Variants in SLC44A5 observed in about 807,000 individuals in gnomAD.
The protein encoded by SLC44A5 is solute carrier family 44 member 5, also known as choline transporter-like protein 5.
Under a neutral mutation model 101.8 loss-of-function variants are expected in SLC44A5, and 57 were observed. The observed-to-expected ratio is 0.56, with a 90% CI of 0.45 to 0.70. The LOEUF is 0.70. Among genes scored for constraint, SLC44A5 ranks in the 30% least tolerant of loss-of-function variants. SLC44A5 has a pLI of 0.00. For missense variants in SLC44A5, 737 were observed against 853.1 expected (o/e 0.86, Z 1.70); for synonymous variants, 281 against 290.9 (o/e 0.97, Z 0.35).
chr1:75,577,634 C>T (rs1294573325), intron 1 of SLC44A5, among the ~76,000 whole-genome samples: 3 of 152,126 alleles, frequency 2.0e-5, no homozygotes, highest in Non-Finnish European at 4.4e-5. Context: ...CTTTATTTCC[C>T]CTCATAAAAC....
chr1:75,345,430 T>G lies in SLC44A5; in HGVS notation c.53-5800A>C, dbSNP rs542419446. Among the ~76,000 whole-genome samples, 201 of 152,252 alleles carry G rather than the reference T, an allele frequency of 1.3e-3. 1 individual carries two copies. Among genetic ancestry groups the G allele is most frequent in the African/African-American group, 4.5e-3 (189 of 41,568 alleles). On this transcript the variant is annotated intron_variant, in intron 3 of 23. Coordinates refer to ENST00000370859, the MANE Select transcript of SLC44A5 (RefSeq NM_001130058.2). ...GATAGATAATGGAGGGAAAAAAAGT[T>G]GGGAAACAATTTCTACCTTCAGAGG...
intron 3 of SLC44A5, among the ~76,000 whole-genome samples, chr1:75,368,500 T>C (rs1383163907): frequency 6.6e-6 from 1 of 152,240 alleles, no homozygotes; most frequent in Non-Finnish European, 1.5e-5. Flanking sequence ...AGTAAATACT[T>C]ACCTAATACA....
the SLC44A5 span, among the ~76,000 whole-genome samples, chr1:75,633,483 T>C: frequency 2.0e-5 from 3 of 152,200 alleles, no homozygotes; most frequent in Admixed American, 6.5e-5. Context: ...TTTGAAGCAA[T>C]TGCGAATGGG....
intron 1 of SLC44A5, among the ~76,000 whole-genome samples, chr1:75,601,261 A>C (rs1407988260): frequency 6.6e-6 from 1 of 152,064 alleles, no homozygotes; most frequent in African/African-American, 2.4e-5. Flanking sequence ...CATTCTCAGC[A>C]AACTAACACA....
intron 3 of SLC44A5, among the ~76,000 whole-genome samples, chr1:75,344,823 G>C (rs1337488219): frequency 6.6e-6 from 1 of 152,016 alleles, no homozygotes; most frequent in African/African-American, 2.4e-5. Context: ...GTTTTTCTAA[G>C]CCACACTTAG....
Position 75,386,741 on chromosome 1 carries a change from C to T in SLC44A5, c.52+9842G>A, listed in dbSNP as rs552071432. Among the ~76,000 whole-genome samples the T allele has an allele frequency of 3.9e-3, 592 of 150,948 alleles. 2 individuals are homozygous for T. Among genetic ancestry groups the T allele is most frequent in the African/African-American group, 0.013 (545 of 41,162 alleles). On this transcript the variant is annotated intron_variant, in intron 3 of 23. Coordinates refer to ENST00000370859, the MANE Select transcript of SLC44A5 (RefSeq NM_001130058.2). Reference sequence around the variant, plus strand: ...GTTCATATGGAACCAAAAAAGAGCCCGCATCGCCAAGGCAATCCTAAGCCA... The same window carrying T: ...GTTCATATGGAACCAAAAAAGAGCCTGCATCGCCAAGGCAATCCTAAGCCA...
At chr1:75,317,747 CT>C (rs1348883938) in intron 4 of SLC44A5, among the ~76,000 whole-genome samples, 4 of 152,164 alleles carry the variant, frequency 2.6e-5, no homozygotes, top group African/African-American at 9.7e-5. Flanking sequence ...TGATTTACAG[CT>C]GCTTCCTTCT....
rs781470649 is a variant in SLC44A5, at chr1:75,339,613, C to G, written c.70G>C (p.Asp24His). Residue 24 changes from aspartate (D) to histidine (H), a missense_variant, in exon 4 of 24, where the codon GAC becomes CAC. This residue lies in a region of SLC44A5 where 665 missense variants were observed against 764.4 expected (regional missense o/e 0.87). Coordinates refer to ENST00000370859, the MANE Select transcript of SLC44A5 (RefSeq NM_001130058.2). ...EEDFGDPRTY[D>H]PDFKGPVANR... ...GCAACAGGCCCCTTGAAATCTGGGT[C>G]ATATGTCCTTGGATCACCTGCATTT... is the stretch of plus-strand genomic sequence containing the variant. The G allele has an allele frequency of 6.2e-7, 1 of 1,609,638 alleles. No homozygotes were observed. Among genetic ancestry groups the G allele is most frequent in the Non-Finnish European group, 8.5e-7 (1 of 1,177,746 alleles).
At chr1:75,398,796 G>C (rs568302976) in intron 2 of SLC44A5, among the ~76,000 whole-genome samples, 1 of 152,170 alleles carries the variant, frequency 6.6e-6, no homozygotes, top group East Asian at 1.9e-4. Context: ...TTCAAAACTT[G>C]TTTAGGAGAA....
the SLC44A5 span, among the ~76,000 whole-genome samples, chr1:75,703,871 C>A: frequency 6.6e-6 from 1 of 151,110 alleles, no homozygotes; most frequent in Non-Finnish European, 1.5e-5. Flanking sequence ...AACAAATTAG[C>A]AAAATAAAGG....
chr1:75,451,921 A>G (rs1027838551), intron 2 of SLC44A5, among the ~76,000 whole-genome samples: 12 of 152,220 alleles, frequency 7.9e-5, no homozygotes, highest in African/African-American at 2.7e-4. Flanking sequence ...AACAACCTTG[A>G]AAACACTTGA....
Position 75,416,452 on chromosome 1 carries a change from C to T in SLC44A5, c.14-19831G>A, listed in dbSNP as rs141939926. On this transcript the variant is annotated intron_variant, in intron 2 of 23. Transcript: ENST00000370859. ...CAGAAGTTTGCTGCATGGGTGGGGC[C>T]CTCATGGAGAACCTCTGCTAGAGCA... is the stretch of plus-strand genomic sequence containing the variant. Among the ~76,000 whole-genome samples, 221 of 152,278 alleles carry T rather than the reference C, an allele frequency of 1.5e-3. 1 individual carries two copies. Among genetic ancestry groups the T allele is most frequent in the African/African-American group, 5.0e-3 (207 of 41,564 alleles).
chr1:75,425,438 G>A lies in SLC44A5; in HGVS notation c.14-28817C>T, dbSNP rs141617508. Among the ~76,000 whole-genome samples the A allele has an allele frequency of 6.0e-3, 911 of 152,324 alleles. 8 individuals are homozygous for A. Among genetic ancestry groups the A allele is most frequent in the Non-Finnish European group, 0.01 (694 of 68,038 alleles). ...ATGGTCGATAAAGCTGTGAAGTCCC[G>A]AAGTCTGTAAACTTGCAGAAGCATT... On this transcript the variant is annotated intron_variant, in intron 2 of 23. Coordinates refer to ENST00000370859, the MANE Select transcript of SLC44A5 (RefSeq NM_001130058.2).
At chr1:75,540,814 G>C (rs909713869) in intron 2 of SLC44A5, among the ~76,000 whole-genome samples, 3 of 151,974 alleles carry the variant, frequency 2.0e-5, no homozygotes, top group Non-Finnish European at 2.9e-5. Context: ...TTTTTCAAAA[G>C]TCAAAGACTA....
intron 23 of SLC44A5, among the ~76,000 whole-genome samples, chr1:75,211,108 G>A (rs374922194): frequency 5.9e-5 from 9 of 152,210 alleles, no homozygotes; most frequent in South Asian, 4.2e-4. Flanking sequence ...GTACATGTGA[G>A]TGCCATAATT....
At chr1:75,203,854 GA>G (rs1557515684) in intron 23 of SLC44A5, 21 bp from the exon 24 acceptor site, 17 of 1,537,304 alleles carry the variant, frequency 1.1e-5, no homozygotes, top group Non-Finnish European at 1.5e-5. Context: ...GAATGGTACA[GA>G]GTAAATATCA....
chr1:75,499,582 C>T (rs890671593), intron 2 of SLC44A5, among the ~76,000 whole-genome samples: 2 of 152,182 alleles, frequency 1.3e-5, no homozygotes, highest in South Asian at 2.1e-4. Flanking sequence ...GAACATATCC[C>T]CATTATTAAA....
the SLC44A5 span, among the ~76,000 whole-genome samples, chr1:75,658,959 C>A: frequency 6.6e-6 from 1 of 151,980 alleles, no homozygotes; most frequent in Non-Finnish European, 1.5e-5. Context: ...ACTGATACCA[C>A]AGACATATAA....
At chr1:75,599,978 G>A (rs1172935060) in intron 1 of SLC44A5, among the ~76,000 whole-genome samples, 1 of 152,144 alleles carries the variant, frequency 6.6e-6, no homozygotes, top group Non-Finnish European at 1.5e-5. Flanking sequence ...TCTTTCAGGA[G>A]TGTCATAAGT....
Sources: gnomAD v4.1 joint callset for allele counts (sites outside exome capture counted in the v4.1 genomes callset) on GRCh38, gnomAD v4.1.1 for gene constraint, gnomAD v4.1.1 regional missense constraint, MANE v1.5 for transcripts, NCBI Gene and HGNC (gene_info 2026-07-23, HGNC 2026-07-21) for gene names.